Variants in KAZN observed in about 807,000 individuals in gnomAD.
KAZN encodes kazrin.
Under a neutral mutation model 87.4 loss-of-function variants are expected in KAZN, and 40 were observed. That is an observed-to-expected ratio of 0.46 (90% CI 0.36 to 0.60). KAZN has a LOEUF of 0.60. Among genes scored for constraint, KAZN ranks in the 20% least tolerant of loss-of-function variants. The pLI, the probability that KAZN is intolerant of heterozygous loss-of-function variation, is 0.00. For missense variants in KAZN, 898 were observed against 1,073.9 expected, an observed-to-expected ratio of 0.84 and a Z score of 2.29; for synonymous variants, 466 against 458.3, an observed-to-expected ratio of 1.02 and a Z score of -0.22.
At chr1:14,212,791 T>A (rs1392340746) in intron 2 of KAZN, among the ~76,000 whole-genome samples, 1 of 152,204 alleles carries the variant, frequency 6.6e-6, no homozygotes, top group Non-Finnish European at 1.5e-5. Context: ...ATTTTATGAA[T>A]CTTGTCCTCA....
rs1403771448 is a variant in KAZN at position 15,047,544 on chromosome 1, G to A, written c.726+3385G>A. Among the ~76,000 whole-genome samples, 3 of 152,188 alleles carry A rather than the reference G, an allele frequency of 2.0e-5. No individual in the cohort carries two copies. The South Asian group carries it at 6.2e-4, about 32-fold the overall frequency. The stretch of plus-strand genomic sequence containing the variant: ...TTTTGGCTTTGGGAGGCCAAAGCGG[G>A]CAGATGACTTGAGGTCAGGAGTTTG... On this transcript the variant is annotated intron_variant, in intron 4 of 14. Transcript: ENST00000376030.
At chr1:14,265,603 G>A (rs1253412063) in intron 2 of KAZN, among the ~76,000 whole-genome samples, 1 of 152,188 alleles carries the variant, frequency 6.6e-6, no homozygotes, top group Admixed American at 6.5e-5. Flanking sequence ...GATTGGAGAG[G>A]CAACTGTTTC....
intron 1 of KAZN, among the ~76,000 whole-genome samples, chr1:14,678,363 T>C (rs1287387175): frequency 6.6e-6 from 1 of 152,192 alleles, no homozygotes; most frequent in East Asian, 1.9e-4. Flanking sequence ...TTTTGGACTC[T>C]TGGACTTAAC....
chr1:14,590,402 C>T (rs1331625664), intron 2 of KAZN, among the ~76,000 whole-genome samples: 1 of 152,158 alleles, frequency 6.6e-6, no homozygotes, highest in Non-Finnish European at 1.5e-5. Context: ...AGGTCTCTCA[C>T]TGCCTCAGCG....
At chr1:14,893,959 C>T (rs1277611707) in intron 1 of KAZN, among the ~76,000 whole-genome samples, 3 of 152,080 alleles carry the variant, frequency 2.0e-5, no homozygotes, top group East Asian at 3.9e-4. Flanking sequence ...GGCTCCAGAC[C>T]CAGCTACAAA....
chr1:15,074,705 A>G (rs906090572), intron 8 of KAZN, among the ~76,000 whole-genome samples: 1 of 152,192 alleles, frequency 6.6e-6, no homozygotes, highest in Non-Finnish European at 1.5e-5. Context: ...GATGGGGGTC[A>G]GGGTTAAGAG....
chr1:15,105,484 CTT>C (rs974612099), intron 13 of KAZN, among the ~76,000 whole-genome samples: 8 of 151,766 alleles, frequency 5.3e-5, no homozygotes, highest in African/African-American at 1.9e-4. Flanking sequence ...TATAGTGCCT[CTT>C]ATATATAAAG....
At position 14,944,227 on chromosome 1, in the gene KAZN, T is replaced by TAAA. The variant is rs34463773; in HGVS notation, c.227-16441_227-16439dup. The stretch of plus-strand genomic sequence containing the variant: ...TCTTCCCGCTCCCAGCTCCCCCTCC[T>TAAA]AAAAAAAAAAAAAAAAAAGCAACTC... On this transcript the variant is annotated intron_variant, in intron 1 of 14. Coordinates refer to ENST00000376030, the MANE Select transcript of KAZN (RefSeq NM_201628.3). Among the ~76,000 whole-genome samples the TAAA allele has an allele frequency of 1.2e-4, 15 of 127,650 alleles. 1 individual carries two copies. The highest frequency in any genetic ancestry group is 3.3e-4 in the African/African-American group (12 of 36,070). 83.7% of individuals were successfully genotyped at this position (127,650 alleles called of 152,430 possible). A position where few individuals can be genotyped will look rare whatever the true frequency, so the allele number is the denominator to read the frequency against.
chr1:14,792,791 C>G (rs1466565267), intron 1 of KAZN, among the ~76,000 whole-genome samples: 3 of 152,126 alleles, frequency 2.0e-5, no homozygotes, highest in African/African-American at 4.8e-5. Flanking sequence ...TCCTGGCCGA[C>G]ATGGTGAAAC....
rs547690332 is a variant in KAZN at position 14,581,119 on chromosome 1, G to A, written c.250-17864G>A. Among the ~76,000 whole-genome samples the A allele has an allele frequency of 2.0e-5, 3 of 152,054 alleles. No individual in the cohort carries two copies. The South Asian group carries it at 6.3e-4, about 32-fold the overall frequency. ...GACACCTTCCAAATTCATATTTCCAGCTCAAACCCCTCCCCTGAACTCCAA... is the reference window on the plus strand; with the variant it reads ...GACACCTTCCAAATTCATATTTCCAACTCAAACCCCTCCCCTGAACTCCAA... On this transcript the variant is annotated intron_variant, in intron 2 of 16. Coordinates refer to the KAZN transcript ENST00000636203.
chr1:14,484,184 A>G (rs1394757153), intron 2 of KAZN, among the ~76,000 whole-genome samples: 1 of 152,150 alleles, frequency 6.6e-6, no homozygotes, highest in East Asian at 1.9e-4. Flanking sequence ...TATAGTTTGA[A>G]ATCAGGTAAT....
intron 2 of KAZN, among the ~76,000 whole-genome samples, chr1:14,299,497 A>T (rs568954870): frequency 5.3e-5 from 8 of 152,246 alleles, no homozygotes; most frequent in African/African-American, 1.9e-4. Flanking sequence ...AGCAAGCAAG[A>T]CTGTCTCAAA....
intron 1 of KAZN, among the ~76,000 whole-genome samples, chr1:14,872,938 AGATGGATGGATG>A (rs143254162): frequency 1.4e-5 from 2 of 146,122 alleles, no homozygotes; most frequent in African/African-American, 2.6e-5. Flanking sequence ...ATGGATGGAT[AGATGGATGGATG>A]GATGGATGGA....
intron 1 of KAZN, among the ~76,000 whole-genome samples, chr1:14,149,073 T>G (rs1478767468): frequency 2.6e-4 from 31 of 118,722 alleles, no homozygotes; most frequent in African/African-American, 1.0e-3. Context: ...CTTCCTTCCT[T>G]CCTTCCTTCC....
At chr1:14,865,307 T>C (rs1157927565) in intron 1 of KAZN, among the ~76,000 whole-genome samples, 2 of 152,212 alleles carry the variant, frequency 1.3e-5, no homozygotes, top group East Asian at 3.9e-4. Flanking sequence ...TTAATGAAGA[T>C]GATAATTAGA....
intron 2 of KAZN, among the ~76,000 whole-genome samples, chr1:14,516,091 C>A (rs1671284006): frequency 6.6e-6 from 1 of 152,156 alleles, no homozygotes; most frequent in Non-Finnish European, 1.5e-5. Context: ...GTGTTCTGGT[C>A]TGAATTCTCA....
chr1:14,447,901 G>A (rs1301264512), intron 2 of KAZN, among the ~76,000 whole-genome samples: 1 of 152,200 alleles, frequency 6.6e-6, no homozygotes, highest in Admixed American at 6.5e-5. Flanking sequence ...TACCTGAAAA[G>A]AAGTTAGAAC....
At chr1:14,172,053 C>G (rs568023935) in intron 1 of KAZN, among the ~76,000 whole-genome samples, 21 of 152,174 alleles carry the variant, frequency 1.4e-4, no homozygotes, top group African/African-American at 4.1e-4. Context: ...ATGAGCCCTT[C>G]GTATAAATAA....
At chr1:14,181,832 C>T (rs1015213417) in intron 2 of KAZN, among the ~76,000 whole-genome samples, 6 of 152,104 alleles carry the variant, frequency 3.9e-5, no homozygotes, top group East Asian at 3.9e-4. Context: ...TAGCTTTCCT[C>T]GAAATGCCTG....
Sources: gnomAD v4.1 joint callset for allele counts (sites outside exome capture counted in the v4.1 genomes callset) on GRCh38, gnomAD v4.1.1 for gene constraint, MANE v1.5 for transcripts, NCBI Gene and HGNC (gene_info 2026-07-23, HGNC 2026-07-21) for gene names.